The following AEBP1 variants were observed in gnomAD, a reference collection of about 807,000 sequenced individuals.
AEBP1 encodes the protein AE binding protein 1.
In AEBP1, 69 loss-of-function variants were observed where a neutral mutation model predicts 116.5. The observed-to-expected ratio is 0.59, with a 90% confidence interval of 0.49 to 0.72. The LOEUF (loss-of-function observed/expected upper bound fraction) is 0.72, where lower values mean the gene tolerates loss of function less well. AEBP1 is among the 30% of genes least tolerant of loss of function. The pLI, the probability that AEBP1 is intolerant of heterozygous loss-of-function variation, is 0.00. For missense variants in AEBP1, 1,444 were observed against 1,557.5 expected (o/e 0.93, Z 1.23); for synonymous variants, 627 against 627.3 (o/e 1.00, Z 0.01).
In AEBP1 at chr7:44,110,331, G is replaced by A. The variant is rs764638169; in HGVS notation, c.1385G>A (p.Arg462Lys). The A allele has an allele frequency of 1.2e-6, 2 of 1,613,688 alleles. No individual in the cohort carries two copies. The highest frequency in any genetic ancestry group is 8.5e-7 in the Non-Finnish European group (1 of 1,180,014). The change falls in exon 11 of 21, where the codon AGA becomes AAA. Residue 462 changes from arginine (R) to lysine (K), a missense_variant. By Grantham distance (26) the Arg-to-Lys change is conservative (BLOSUM62 2). Transcript: ENST00000223357. The stretch of plus-strand genomic sequence containing the variant: ...TTCACAGGCGTCATCACCCAGGGCA[G>A]AGACTCCAGCATCCAGTGCGTGGCC... ...TRFTGVITQG[R>K]DSSIHDDFVT...
At position 44,109,292 on chromosome 7, in the gene AEBP1, C is replaced by T. The variant is rs1191680112; in HGVS notation, c.1101C>T (p.Pro367=). 1.2e-6 allele frequency: 2 copies of T among 1,609,164 alleles called. No individual in the cohort carries two copies. Among genetic ancestry groups the T allele is most frequent in the Non-Finnish European group, 1.7e-6 (2 of 1,177,834 alleles). Residue 367 remains proline (P), a synonymous_variant, in exon 9 of 21, where the codon CCC becomes CCT. Transcript: ENST00000223357. ...AVEKGKDHKE[P]RKGEELEEEW... ...TCCTCCCTTCATTGTCCCTAGAGCC[C>T]CGAAAGGGCGAGGAGTTGGAGGAGG... is the stretch of plus-strand genomic sequence containing the variant.
Position 44,110,205 on chromosome 7 carries a change from A to G in AEBP1, c.1261-2A>G. 1 of 1,613,614 alleles carries G rather than the reference A, an allele frequency of 6.2e-7. No individual in the cohort carries two copies. Among genetic ancestry groups the G allele is most frequent in the Non-Finnish European group, 8.5e-7 (1 of 1,180,010 alleles). On this transcript the variant is annotated splice_acceptor_variant, in intron 10 of 20. Transcript: ENST00000223357. LOFTEE classifies it high-confidence loss of function. ...GCTCAGCCTCCCCTGCCCCCTGGAC[A>G]GACCGGTGCCACTGAGGACGACTAC...
In AEBP1 at chr7:44,111,750, C is replaced by A. The variant is rs996177374; in HGVS notation, c.1841-104C>A. On this transcript the variant is annotated intron_variant, in intron 15 of 20. Coordinates refer to ENST00000223357, the MANE Select transcript of AEBP1 (RefSeq NM_001129.5). This position sits in a 1 kb window ranked among gnomAD's most constrained non-coding sequence, Gnocchi z 4.7. ...CTTGTCTTACAGGGCCCTAGGAGCC[C>A]CAGCTGTCCCCCAGACCCTCGGGTA... 4 of 1,533,006 alleles carry A rather than the reference C, an allele frequency of 2.6e-6. No homozygotes were observed. The Admixed American group carries it at 8.0e-5, about 31-fold the overall frequency. 95.0% of individuals were successfully genotyped at this position (1,533,006 alleles called of 1,614,324 possible).
At position 44,110,130 on chromosome 7, in the gene AEBP1, C is replaced by A. The variant is rs1300757045; in HGVS notation, c.1260+6C>A. The A allele has an allele frequency of 6.2e-7, 1 of 1,613,000 alleles. No homozygotes were observed. Among genetic ancestry groups the A allele is most frequent in the East Asian group, 2.2e-5 (1 of 44,894 alleles). On this transcript the variant is annotated splice_donor_region_variant and intron_variant, in intron 10 of 20. Transcript: ENST00000223357. ...GCGGCCGGCTCAACATGCAGGTGGG[C>A]ATTGGGATGGGCCCATCTCCCAACT...
chr7:44,113,474 G>A lies in AEBP1; in HGVS notation c.2810-120G>A, dbSNP rs1388404045. The A allele has an allele frequency of 7.6e-7, 1 of 1,315,728 alleles. No individual in the cohort carries two copies. Among genetic ancestry groups the A allele is most frequent in the African/African-American group, 2.3e-5 (1 of 44,258 alleles). 81.5% of individuals were successfully genotyped at this position (1,315,728 alleles called of 1,614,324 possible). Reference sequence around the variant, plus strand: ...AGCCTGGGGGCGAAATTCAGAGAGGGAGGGCGGTGCTGGGGGCGGGAACTC... The same window carrying A: ...AGCCTGGGGGCGAAATTCAGAGAGGAAGGGCGGTGCTGGGGGCGGGAACTC... On this transcript the variant is annotated intron_variant, in intron 20 of 20. Coordinates refer to ENST00000223357, the MANE Select transcript of AEBP1 (RefSeq NM_001129.5). This position sits in a 1 kb window ranked among gnomAD's most constrained non-coding sequence, Gnocchi z 5.3.
chr7:44,112,896 C>A lies in AEBP1; in HGVS notation c.2556C>A (p.Asn852Lys), dbSNP rs776958205. 2 of 1,611,202 alleles carry A rather than the reference C, an allele frequency of 1.2e-6. No individual in the cohort carries two copies. Among genetic ancestry groups the A allele is most frequent in the Non-Finnish European group, 1.7e-6 (2 of 1,178,468 alleles). Residue 852 changes from asparagine (N) to lysine (K), a missense_variant, in exon 18 of 21, where the codon AAC becomes AAA. By Grantham distance (94) the Asn-to-Lys change is moderately conservative (BLOSUM62 0). Coordinates refer to ENST00000223357, the MANE Select transcript of AEBP1 (RefSeq NM_001129.5). The surrounding 1 kb of genome is among the most constrained non-coding windows in gnomAD (Gnocchi z 6.6). ...GMGIVNGAKW[N>K]PRTGTINDFS... The stretch of plus-strand genomic sequence containing the variant: ...GCATCGTCAACGGGGCCAAGTGGAA[C>A]CCCCGGACCGGGAGTGAGTCAGCCT...
At chr7:44,105,605 C>G (rs2096222184) in intron 1 of AEBP1, among the ~76,000 whole-genome samples, 2 of 152,116 alleles carry the variant, frequency 1.3e-5, no homozygotes, top group African/African-American at 4.8e-5. Context: ...AGCAGCCCCT[C>G]CCCTGCCACC....
At position 44,104,606 on chromosome 7, in the gene AEBP1, G is replaced by A; in HGVS notation, c.-60G>A. The A allele has an allele frequency of 8.2e-7, 1 of 1,225,062 alleles. No homozygotes were observed. The highest frequency in any genetic ancestry group is 1.1e-6 in the Non-Finnish European group (1 of 933,428). 75.9% of individuals were successfully genotyped at this position (1,225,062 alleles called of 1,614,324 possible). A position where few individuals can be genotyped will look rare whatever the true frequency, so the allele number is the denominator to read the frequency against. On this transcript the variant is annotated 5_prime_UTR_variant, in exon 1 of 21. Transcript: ENST00000223357. ...TCGATCCCCTCTCCGCCCTTTCCCAGAGACCCAGAGCCCCTGACCCCCCGC... is the reference window on the plus strand; with the variant it reads ...TCGATCCCCTCTCCGCCCTTTCCCAAAGACCCAGAGCCCCTGACCCCCCGC...
Position 44,112,977 on chromosome 7 carries a change from C to T in AEBP1, c.2570-14C>T, listed in dbSNP as rs747261773. ...AGAGGGGCTGACTTTGGGTCTGTAT[C>T]TGTCCCCGGCCAGCTATCAATGACT... On this transcript the variant is annotated splice_polypyrimidine_tract_variant and intron_variant, in intron 18 of 20. Transcript: ENST00000223357. The surrounding 1 kb of genome is among the most constrained non-coding windows in gnomAD (Gnocchi z 6.6). 3.7e-6 allele frequency: 6 copies of T among 1,613,796 alleles called. No homozygotes were observed. The African/African-American group carries it at 8.0e-5, about 22-fold the overall frequency.
Position 44,113,278 on chromosome 7 carries a change from G to T in AEBP1, c.2736G>T (p.Val912=), listed in dbSNP as rs2096232009. 1 of 1,613,790 alleles carries T rather than the reference G, an allele frequency of 6.2e-7. No individual in the cohort carries two copies. The highest frequency in any genetic ancestry group is 8.5e-7 in the Non-Finnish European group (1 of 1,179,940). ...TGCACCGCGGCATTAAGGGGGTGGTGACGGACGAGCAAGGCATCCCCATTG... is the reference window on the plus strand; with the variant it reads ...TGCACCGCGGCATTAAGGGGGTGGTTACGGACGAGCAAGGCATCCCCATTG... ...EQVHRGIKGV[V]TDEQGIPIAN... The change falls in exon 20 of 21, where the codon GTG becomes GTT. Residue 912 remains valine, a synonymous_variant. Transcript: ENST00000223357. This position sits in a 1 kb window ranked among gnomAD's most constrained non-coding sequence, Gnocchi z 5.3.
chr7:44,114,270 T>G lies in AEBP1; in HGVS notation c.*9T>G. On this transcript the variant is annotated 3_prime_UTR_variant, in exon 21 of 21. Transcript: ENST00000223357. ...ACTTTGGGGACTTCTGAGATCAGCGTCCTACCAAGACCCCAGCCCAACTCA... is the reference window on the plus strand; with the variant it reads ...ACTTTGGGGACTTCTGAGATCAGCGGCCTACCAAGACCCCAGCCCAACTCA... The G allele has an allele frequency of 6.2e-7, 1 of 1,612,754 alleles. No individual in the cohort carries two copies. Among genetic ancestry groups the G allele is most frequent in the Non-Finnish European group, 8.5e-7 (1 of 1,178,926 alleles).
At chr7:44,109,013 C>T in intron 7 of AEBP1, 37 bp downstream of exon 7, 1 of 1,606,950 alleles carries the variant, frequency 6.2e-7, no homozygotes, top group Non-Finnish European at 8.5e-7. Flanking sequence ...CCAGGCCTGC[C>T]CTGAAGGCCA....
rs766802928 is a variant in AEBP1 at position 44,114,165 on chromosome 7, AGAG to A, written c.3394_3396del (p.Glu1132del). 7.0e-5 allele frequency: 113 copies of A among 1,610,762 alleles called. No homozygotes were observed. Among genetic ancestry groups the A allele is most frequent in the Admixed American group, 4.3e-4 (26 of 59,980 alleles). On this transcript the variant is annotated inframe_deletion, in exon 21 of 21. Coordinates refer to ENST00000223357, the MANE Select transcript of AEBP1 (RefSeq NM_001129.5). ...CCCAGCTGGAACCCGAGTTTGAGGAAGAGGAGGAGGAGGAGAAAGAGGAGGAGA... is the reference window on the plus strand; with the variant it reads ...CCCAGCTGGAACCCGAGTTTGAGGAAGAGGAGGAGGAGAAAGAGGAGGAGA...
At position 44,104,525 on chromosome 7, in the gene AEBP1, A is replaced by C; in HGVS notation, c.-141A>C. ...AATCCACTCTCCCTCCCTTTCCCGGATTCCCTCGCTCACCCCATCCTCTCT... is the reference window on the plus strand; with the variant it reads ...AATCCACTCTCCCTCCCTTTCCCGGCTTCCCTCGCTCACCCCATCCTCTCT... On this transcript the variant is annotated 5_prime_UTR_variant, in exon 1 of 21. Coordinates refer to ENST00000223357, the MANE Select transcript of AEBP1 (RefSeq NM_001129.5). 2.0e-6 allele frequency: 1 copy of C among 511,722 alleles called. No individual in the cohort carries two copies. Among genetic ancestry groups the C allele is most frequent in the Non-Finnish European group, 3.2e-6 (1 of 314,172 alleles). 31.7% of individuals were successfully genotyped at this position (511,722 alleles called of 1,614,324 possible).
In AEBP1 at chr7:44,106,605, G is replaced by A. The variant is rs1392585255; in HGVS notation, c.313G>A (p.Val105Met). 1.2e-6 allele frequency: 2 copies of A among 1,611,910 alleles called. No individual in the cohort carries two copies. The highest frequency in any genetic ancestry group is 2.2e-5 in the East Asian group (1 of 44,830). Reference sequence around the variant, plus strand: ...AGGCAAGAAAGACAAAGGCCCCAAGGTGCCCAAGGAGTCCTTGGAGGGGTC... The same window carrying A: ...AGGCAAGAAAGACAAAGGCCCCAAGATGCCCAAGGAGTCCTTGGAGGGGTC... ...KKGKKDKGPK[V>M]PKESLEGSPR... The change falls in exon 2 of 21, where the codon GTG (valine) becomes ATG (methionine). Residue 105 changes from valine to methionine, a missense_variant. Transcript: ENST00000223357.
rs1052347511 is a variant in AEBP1, at chr7:44,112,418, T to C, written c.2217+97T>C. On this transcript the variant is annotated intron_variant, in intron 17 of 20. Coordinates refer to ENST00000223357, the MANE Select transcript of AEBP1 (RefSeq NM_001129.5). This position sits in a 1 kb window ranked among gnomAD's most constrained non-coding sequence, Gnocchi z 6.6. ...GGGGTGGGGCTGACGGTGCCTGAACTCCAGACGCTGAGGCTCTGGGGGTTG... is the reference window on the plus strand; with the variant it reads ...GGGGTGGGGCTGACGGTGCCTGAACCCCAGACGCTGAGGCTCTGGGGGTTG... 10 of 1,426,158 alleles carry C rather than the reference T, an allele frequency of 7.0e-6. No individual in the cohort carries two copies. The African/African-American group carries it at 1.3e-4, about 19-fold the overall frequency. 88.3% of individuals were successfully genotyped at this position (1,426,158 alleles called of 1,614,324 possible). A position where few individuals can be genotyped will look rare whatever the true frequency, so the allele number is the denominator to read the frequency against.
At position 44,111,482 on chromosome 7, in the gene AEBP1, T is replaced by C; in HGVS notation, c.1717-25T>C. 1.9e-6 allele frequency: 3 copies of C among 1,558,180 alleles called. No individual in the cohort carries two copies. The highest frequency in any genetic ancestry group is 2.6e-6 in the Non-Finnish European group (3 of 1,152,060). On this transcript the variant is annotated intron_variant, in intron 14 of 20. Coordinates refer to ENST00000223357, the MANE Select transcript of AEBP1 (RefSeq NM_001129.5). This position sits in a 1 kb window ranked among gnomAD's most constrained non-coding sequence, Gnocchi z 4.7. Reference sequence around the variant, plus strand: ...GCGGGGGACGGATTGCATGATTGATTCCACGTCCTCCCCCTCTGCCCCAGC... The same window carrying C: ...GCGGGGGACGGATTGCATGATTGATCCCACGTCCTCCCCCTCTGCCCCAGC...
In AEBP1 at chr7:44,108,753, C is replaced by T. The variant is rs2096225640; in HGVS notation, c.941-146C>T. On this transcript the variant is annotated intron_variant, in intron 6 of 20. Transcript: ENST00000223357. This position sits in a 1 kb window ranked among gnomAD's most constrained non-coding sequence, Gnocchi z 5.0. ...GAGCTCGGGCTGCTCCTGACTCCTG[C>T]AAGACCCTCTCCCAACTCAGCTGTC... 4.1e-6 allele frequency: 3 copies of T among 724,050 alleles called. No homozygotes were observed. Among genetic ancestry groups the T allele is most frequent in the Non-Finnish European group, 7.0e-6 (3 of 431,440 alleles). The allele number at this position is 724,050 out of a possible 1,614,324, so 44.9% of individuals were successfully genotyped here. A position where few individuals can be genotyped will look rare whatever the true frequency, so the allele number is the denominator to read the frequency against.
At position 44,106,809 on chromosome 7, in the gene AEBP1, CT is replaced by C; in HGVS notation, c.518del (p.Leu173ArgfsTer119). On this transcript the variant is annotated frameshift_variant, in exon 2 of 21. Transcript: ENST00000223357. LOFTEE classifies it high-confidence loss of function. Reference protein sequence around the residue: ...KPPSGKRPPILAPSETLEWPL... With the variant: ...KPPSGKRPPIXAPSETLEWPL... Reference sequence around the variant, plus strand: ...CCCGTCAGGGAAGAGGCCCCCCATTCTGGCTCCCTCAGAAACCCTGGAGTGG... The same window carrying C: ...CCCGTCAGGGAAGAGGCCCCCCATTCGGCTCCCTCAGAAACCCTGGAGTGG... 6.2e-7 allele frequency: 1 copy of C among 1,610,678 alleles called. No individual in the cohort carries two copies. The highest frequency in any genetic ancestry group is 8.5e-7 in the Non-Finnish European group (1 of 1,178,886).
Sources: allele counts gnomAD v4.1 joint callset (sites outside exome capture counted in the v4.1 genomes callset), GRCh38; gene constraint gnomAD v4.1.1; non-coding constraint Gnocchi (gnomAD v3.1); transcripts MANE v1.5; gene names NCBI Gene and HGNC (gene_info 2026-07-23, HGNC 2026-07-21).